Variants in SGCD observed in about 807,000 individuals in gnomAD.
SGCD encodes delta-sarcoglycan.
Under a neutral mutation model 36.6 loss-of-function variants are expected in SGCD, and 18 were observed. The ratio of observed to expected loss-of-function variants is 0.49; its 90% CI spans 0.34 to 0.73. The LOEUF is 0.73. Ranked by LOEUF, SGCD falls within the 30% of genes least tolerant of loss-of-function variation. The pLI is 0.01. For synonymous variants in SGCD, 133 were observed against 130.6 expected, an observed-to-expected ratio of 1.02 and a Z score of -0.12; for missense variants, 387 against 346.7, an observed-to-expected ratio of 1.12 and a Z score of -0.92.
intron 3 of SGCD, among the ~76,000 whole-genome samples, chr5:156,357,651 G>T (rs112864043): frequency 4.9e-4 from 74 of 152,142 alleles, no homozygotes; most frequent in African/African-American, 1.6e-3. Context: ...AGTTACTTTT[G>T]TGCTTCACTC....
chr5:156,382,506 A>G (rs760247044), intron 3 of SGCD, among the ~76,000 whole-genome samples: 1 of 152,188 alleles, frequency 6.6e-6, no homozygotes, highest in Non-Finnish European at 1.5e-5. Context: ...AAATGTTTCT[A>G]TTTCATTTTA....
intron 4 of SGCD, among the ~76,000 whole-genome samples, chr5:156,513,312 T>C (rs149018613): frequency 1.3e-4 from 20 of 152,282 alleles, no homozygotes; most frequent in Non-Finnish European, 2.2e-4. Flanking sequence ...TACTGAGTCA[T>C]AACCTCACAT....
At chr5:156,106,575 T>C (rs1329373141) in intron 1 of SGCD, among the ~76,000 whole-genome samples, 1 of 152,192 alleles carries the variant, frequency 6.6e-6, no homozygotes, top group African/African-American at 2.4e-5. Context: ...TGAAGATAAT[T>C]AAACTGCAGA....
At chr5:155,979,296 A>G (rs1419214001) in intron 1 of SGCD, among the ~76,000 whole-genome samples, 1 of 152,218 alleles carries the variant, frequency 6.6e-6, no homozygotes. Context: ...ACTCTGTATC[A>G]GAGATATAAG....
At chr5:156,526,340 G>A (rs905211429) in intron 4 of SGCD, among the ~76,000 whole-genome samples, 2 of 152,124 alleles carry the variant, frequency 1.3e-5, no homozygotes, top group Non-Finnish European at 2.9e-5. Context: ...TTAGTTGCAA[G>A]GAGCAAAGTC....
chr5:156,757,038 G>C (rs1031132056), intron 7 of SGCD, among the ~76,000 whole-genome samples: 4 of 151,962 alleles, frequency 2.6e-5, no homozygotes, highest in Admixed American at 1.3e-4. Context: ...GGAAACTGAG[G>C]CTTTAAGAGA....
At chr5:156,020,250 C>T in intron 1 of SGCD, among the ~76,000 whole-genome samples, 1 of 152,306 alleles carries the variant, frequency 6.6e-6, no homozygotes, top group East Asian at 1.9e-4. Flanking sequence ...GAACATATAT[C>T]TCCTCTTCAT....
chr5:156,604,977 A>C (rs545128320), intron 6 of SGCD, among the ~76,000 whole-genome samples: 1 of 151,878 alleles, frequency 6.6e-6, no homozygotes, highest in South Asian at 2.1e-4. Flanking sequence ...AAAGATTTAC[A>C]TAGTACCATT....
chr5:156,531,089 C>T (rs183114787), intron 4 of SGCD, among the ~76,000 whole-genome samples: 151 of 152,302 alleles, frequency 9.9e-4, no homozygotes, highest in African/African-American at 3.6e-3. Context: ...GGACTCCTCC[C>T]TCATGAATGG....
At chr5:156,619,091 T>C (rs1762137268) in intron 6 of SGCD, among the ~76,000 whole-genome samples, 1 of 151,172 alleles carries the variant, frequency 6.6e-6, no homozygotes, top group Admixed American at 6.6e-5. Flanking sequence ...AGTGGCGCCA[T>C]CTTGGCTCAC....
intron 4 of SGCD, among the ~76,000 whole-genome samples, chr5:156,538,745 T>G (rs1473344123): frequency 6.6e-6 from 1 of 151,666 alleles, no homozygotes; most frequent in Non-Finnish European, 1.5e-5. Context: ...ATAGAAAGAG[T>G]TAAGGAAGAG....
At chr5:155,758,511 C>G in the SGCD span, among the ~76,000 whole-genome samples, 1 of 152,168 alleles carries the variant, frequency 6.6e-6, no homozygotes, top group African/African-American at 2.4e-5. Context: ...GGACTGGTAC[C>G]GGTCCATGGC....
chr5:156,030,667 A>G (rs1051807412), intron 1 of SGCD, among the ~76,000 whole-genome samples: 1 of 152,158 alleles, frequency 6.6e-6, no homozygotes, highest in Admixed American at 6.5e-5. Flanking sequence ...GGTGAGTTGA[A>G]TGCTTTTGTT....
chr5:156,345,984 C>T (rs1336861129), intron 3 of SGCD, among the ~76,000 whole-genome samples: 1 of 151,922 alleles, frequency 6.6e-6, no homozygotes, highest in Non-Finnish European at 1.5e-5. Flanking sequence ...TTATGTATCT[C>T]TTATTATATT....
At chr5:156,455,407 G>A (rs536159739) in intron 3 of SGCD, among the ~76,000 whole-genome samples, 1 of 151,676 alleles carries the variant, frequency 6.6e-6, no homozygotes, top group South Asian at 2.1e-4. Context: ...AGGTACCTTT[G>A]CTGAGGGCTT....
chr5:156,630,194 T>A (rs1041622798), intron 6 of SGCD, among the ~76,000 whole-genome samples: 1 of 152,140 alleles, frequency 6.6e-6, no homozygotes, highest in Non-Finnish European at 1.5e-5. Flanking sequence ...GTATGTGAAG[T>A]CTGATAGCAA....
At chr5:156,474,914 A>T (rs1202531754) in intron 3 of SGCD, among the ~76,000 whole-genome samples, 2 of 152,204 alleles carry the variant, frequency 1.3e-5, no homozygotes, top group East Asian at 3.9e-4. Context: ...TGGTCTTCAG[A>T]CTACAGAATG....
At chr5:156,686,091 G>A (rs73302810) in intron 7 of SGCD, among the ~76,000 whole-genome samples, 4,010 of 152,248 alleles carry the variant, frequency 0.026, 176 homozygotes, top group African/African-American at 0.091. Context: ...AAGAATAGCA[G>A]CTACTATGTA....
intron 3 of SGCD, among the ~76,000 whole-genome samples, chr5:156,232,891 A>T (rs1183406124): frequency 1.3e-5 from 2 of 152,202 alleles, no homozygotes; most frequent in African/African-American, 4.8e-5. Context: ...ATCCCATCAG[A>T]AAAGACTGGA....
Sources: gnomAD v4.1 joint callset for allele counts (sites outside exome capture counted in the v4.1 genomes callset) on GRCh38, gnomAD v4.1.1 for gene constraint, MANE v1.5 for transcripts, NCBI Gene and HGNC (gene_info 2026-07-23, HGNC 2026-07-21) for gene names.